The following GSE1 variants were observed in gnomAD, a reference collection of about 807,000 sequenced individuals.
The protein encoded by GSE1 is Gse1 coiled-coil protein, also known as genetic suppressor element 1.
GSE1 carries 32 observed loss-of-function variants against 112.6 expected under a neutral mutation model. The observed-to-expected ratio is 0.28, with a 90% confidence interval of 0.21 to 0.38. The LOEUF (loss-of-function observed/expected upper bound fraction) is 0.38, where lower values mean the gene tolerates loss of function less well. Ranked by LOEUF, GSE1 falls within the 10% of genes least tolerant of loss-of-function variation. GSE1 has a pLI of 1.00. For synonymous variants in GSE1, 1,115 were observed against 735.6 expected (o/e 1.52, Z -8.35); for missense variants, 2,348 against 1,699.2 (o/e 1.38, Z -6.71).
chr16:85,672,319 C>T lies in GSE1; in HGVS notation c.3520-86C>T, dbSNP rs766684003. 7 of 983,434 alleles carry T rather than the reference C, an allele frequency of 7.1e-6. No homozygotes were observed. The South Asian group carries it at 8.8e-5, about 12-fold the overall frequency. The allele number at this position is 983,434 out of a possible 1,614,324, so 60.9% of individuals were successfully genotyped here. ...CGGGACATTTTCAAATGTAGGTTTA[C>T]CCTTCCATCCAGCATGTTTGTACTC... On this transcript the variant is annotated intron_variant, in intron 15 of 15. Transcript: ENST00000253458.
chr16:85,296,062 G>A (rs761725031), intron 1 of GSE1, among the ~76,000 whole-genome samples: 34 of 152,186 alleles, frequency 2.2e-4, no homozygotes, highest in Non-Finnish European at 4.1e-4. Context: ...TTTGCAGGCT[G>A]AGAACCAGGA....
intron 2 of GSE1, among the ~76,000 whole-genome samples, chr16:85,368,179 T>C (rs1182076434): frequency 6.6e-6 from 1 of 152,122 alleles, no homozygotes; most frequent in Non-Finnish European, 1.5e-5. Context: ...AGGGTGCGCG[T>C]CTTCCCGAGT....
chr16:85,652,233 C>T (rs2051421715), intron 3 of GSE1, among the ~76,000 whole-genome samples: 1 of 152,252 alleles, frequency 6.6e-6, no homozygotes, highest in African/African-American at 2.4e-5. Flanking sequence ...GTGACGGGCA[C>T]ATGCCATTGA....
chr16:85,570,595 G>A (rs2045943006), intron 1 of GSE1, among the ~76,000 whole-genome samples: 1 of 152,242 alleles, frequency 6.6e-6, no homozygotes, highest in East Asian at 1.9e-4. Flanking sequence ...TAGGGCTCTC[G>A]GAGAGAGGTG....
chr16:85,558,847 C>A (rs1401375166), intron 1 of GSE1, among the ~76,000 whole-genome samples: 1 of 152,018 alleles, frequency 6.6e-6, no homozygotes, highest in Non-Finnish European at 1.5e-5. Flanking sequence ...GTGATGGAAA[C>A]GGCAGTGGCC....
rs146042591 is a variant in GSE1 at position 85,253,314 on chromosome 16, G to C, written c.2283+81507G>C. Among the ~76,000 whole-genome samples, 406 of 152,272 alleles carry C rather than the reference G, an allele frequency of 2.7e-3. 4 individuals are homozygous for C. The highest frequency in any genetic ancestry group is 9.4e-3 in the African/African-American group (390 of 41,550). On this transcript the variant is annotated intron_variant, in intron 1 of 2. Coordinates refer to the GSE1 transcript ENST00000637419. ...CCCGCTTGCTTGGGGCCTGGGCTGT[G>C]CTGGGCCTCCTGGGTGGTGGGGCAC...
At chr16:85,671,297 G>A (rs1292863110) in intron 15 of GSE1, among the ~76,000 whole-genome samples, 199 bp downstream of exon 15, 13 of 151,814 alleles carry the variant, frequency 8.6e-5, no homozygotes, top group South Asian at 2.1e-4. Flanking sequence ...AAAATTAGCC[G>A]GGCGTAGTGG....
rs770686137 is a variant in GSE1, at chr16:85,419,267, C to A, written c.2464+61624C>A. Reference sequence around the variant, plus strand: ...TACAAAAGGTTCACCTCATAGAGGGCGCTAGAGGCCACCTCAGGAGGCAAC... The same window carrying A: ...TACAAAAGGTTCACCTCATAGAGGGAGCTAGAGGCCACCTCAGGAGGCAAC... On this transcript the variant is annotated intron_variant, in intron 2 of 2. Transcript: ENST00000637419. The surrounding 1 kb of genome is among the most constrained non-coding windows in gnomAD (Gnocchi z 6.5). Among the ~76,000 whole-genome samples the A allele has an allele frequency of 6.6e-5, 10 of 152,090 alleles. No individual in the cohort carries two copies. The highest frequency in any genetic ancestry group is 5.9e-4 in the Admixed American group (9 of 15,270).
intron 1 of GSE1, among the ~76,000 whole-genome samples, chr16:85,176,905 C>G (rs2074478561): frequency 6.6e-6 from 1 of 152,276 alleles, no homozygotes; most frequent in Non-Finnish European, 1.5e-5. Context: ...CCTGGCTGCC[C>G]CTCCTCCCCA....
chr16:85,431,855 T>A (rs2049130431), intron 2 of GSE1, among the ~76,000 whole-genome samples: 1 of 152,242 alleles, frequency 6.6e-6, no homozygotes, highest in South Asian at 2.1e-4. Context: ...GACATCTGTT[T>A]CAGTAAGTGA....
chr16:85,215,857 G>A lies in GSE1; in HGVS notation c.2283+44050G>A, dbSNP rs959466686. On this transcript the variant is annotated intron_variant, in intron 1 of 2. Coordinates refer to the GSE1 transcript ENST00000637419. ...CCCCCGTCCCCACCGTAACCCCACC[G>A]GTTGCTGCTTCTGTTGCAGAACAGG... 3.9e-5 allele frequency among the ~76,000 whole-genome samples: 6 copies of A among 152,248 alleles called. No homozygotes were observed. The South Asian group carries it at 8.3e-4, about 21-fold the overall frequency.
intron 1 of GSE1, among the ~76,000 whole-genome samples, chr16:85,214,773 T>C (rs1480113144): frequency 6.7e-6 from 1 of 149,320 alleles, no homozygotes; most frequent in Non-Finnish European, 1.5e-5. Context: ...TAGGCAGGGT[T>C]GGCAGGCCTG....
upstream of GSE1, chr16:85,611,365 C>T (rs545190676): frequency 9.2e-6 from 5 of 544,188 alleles, no homozygotes; most frequent in Non-Finnish European, 1.2e-5. Flanking sequence ...GTGAATCCGC[C>T]GGCCAGTGCG....
At chr16:85,252,460 C>T (rs992266768) in intron 1 of GSE1, among the ~76,000 whole-genome samples, 1 of 152,056 alleles carries the variant, frequency 6.6e-6, no homozygotes, top group African/African-American at 2.4e-5. Context: ...GGACAACCCC[C>T]GGTCCCCATC....
intron 2 of GSE1, among the ~76,000 whole-genome samples, chr16:85,415,911 C>T (rs193227527): frequency 3.3e-5 from 5 of 152,310 alleles, no homozygotes; most frequent in African/African-American, 7.2e-5. Context: ...GAACTTGTGG[C>T]GGACCCATCG....
rs1269218248 is a variant in GSE1, at chr16:85,674,215, G to A, written c.*1676G>A. ...GCTGTGACCAGCAGCCGAGCCCTTG[G>A]CCCTAGCCCTTGCTGCGCAGAACAG... On this transcript the variant is annotated 3_prime_UTR_variant, in exon 16 of 16. Transcript: ENST00000253458. 1 of 152,346 alleles carries A rather than the reference G, an allele frequency of 6.6e-6. No individual in the cohort carries two copies. The highest frequency in any genetic ancestry group is 1.5e-5 in the Non-Finnish European group (1 of 68,134). The allele number at this position is 152,346 out of a possible 1,614,324, so 9.4% of individuals were successfully genotyped here. A position where few individuals can be genotyped will look rare whatever the true frequency, so the allele number is the denominator to read the frequency against.
chr16:85,343,879 T>C (rs1312418068), intron 1 of GSE1, among the ~76,000 whole-genome samples: 1 of 152,152 alleles, frequency 6.6e-6, no homozygotes, highest in Non-Finnish European at 1.5e-5. Context: ...ACCTCCAAAA[T>C]GGGACCCATT....
intron 2 of GSE1, among the ~76,000 whole-genome samples, chr16:85,542,866 C>G (rs543743428): frequency 6.6e-6 from 1 of 152,206 alleles, no homozygotes; most frequent in Non-Finnish European, 1.5e-5. Flanking sequence ...ACAGGGTACT[C>G]GGTAGTTTCC....
At position 85,616,028 on chromosome 16, in the gene GSE1, C is replaced by T. The variant is rs1371352138; in HGVS notation, c.7+2630C>T. Among the ~76,000 whole-genome samples the T allele has an allele frequency of 3.9e-5, 6 of 152,240 alleles. No homozygotes were observed. The East Asian group carries it at 5.8e-4, about 15-fold the overall frequency. On this transcript the variant is annotated intron_variant, in intron 1 of 15. Transcript: ENST00000253458. ...CCTGTCTCTGGGGGAAGTTCAGGGG[C>T]TGCAGATCTGAGTGCCTTGTGGTTT...
Sources: gnomAD v4.1 joint callset for allele counts (sites outside exome capture counted in the v4.1 genomes callset) on GRCh38, gnomAD v4.1.1 for gene constraint, Gnocchi (gnomAD v3.1) non-coding constraint, MANE v1.5 for transcripts, NCBI Gene and HGNC (gene_info 2026-07-23, HGNC 2026-07-21) for gene names.